RNF8: variants seen among roughly 807,000 people sequenced by gnomAD.
RNF8 encodes the protein E3 ubiquitin-protein ligase RNF8.
Under a neutral mutation model 59.3 loss-of-function variants are expected in RNF8, and 8 were observed. The observed-to-expected ratio is 0.13, with a 90% CI of 0.08 to 0.24. The LOEUF is 0.24. RNF8 is among the 10% of genes least tolerant of loss of function. The pLI, the probability that RNF8 is intolerant of heterozygous loss-of-function variation, is 1.00. For synonymous variants in RNF8, 162 were observed against 200.0 expected, an observed-to-expected ratio of 0.81 and a Z score of 1.60; for missense variants, 406 against 572.6, an observed-to-expected ratio of 0.71 and a Z score of 2.97.
chr6:37,369,265 A>G (rs779800419), intron 3 of RNF8, 47 bp downstream of exon 3: 103 of 1,522,070 alleles, frequency 6.8e-5, no homozygotes, highest in Non-Finnish European at 8.8e-5. Context: ...GGGGTGGGGC[A>G]GGCACTTCAT....
rs1213095864 is a variant in RNF8, at chr6:37,360,438, T to C, written c.112-8T>C. ...GATGGTATTTCTTGCATTGTTGTTG[T>C]CTCCCAGGTGACTGTAGGACGAGGA... On this transcript the variant is annotated splice_region_variant and splice_polypyrimidine_tract_variant and intron_variant, in intron 1 of 7. Coordinates refer to ENST00000373479, the MANE Select transcript of RNF8 (RefSeq NM_003958.4). The surrounding 1 kb of genome is among the most constrained non-coding windows in gnomAD (Gnocchi z 4.2). 1.3e-6 allele frequency: 2 copies of C among 1,591,780 alleles called. No individual in the cohort carries two copies. The highest frequency in any genetic ancestry group is 3.7e-5 in the African/African-American group (2 of 54,654).
chr6:37,354,579 C>T (rs1418152472), intron 1 of RNF8, among the ~76,000 whole-genome samples: 4 of 151,916 alleles, frequency 2.6e-5, no homozygotes, highest in Non-Finnish European at 5.9e-5. Context: ...AGGGTTGGGG[C>T]GAGGACGGAG....
At chr6:37,387,624 G>A (rs531878028) in intron 7 of RNF8, among the ~76,000 whole-genome samples, 3 of 152,332 alleles carry the variant, frequency 2.0e-5, no homozygotes, top group East Asian at 3.9e-4. Flanking sequence ...TTATAGGCAT[G>A]CGCCACCACG....
intron 7 of RNF8, among the ~76,000 whole-genome samples, chr6:37,388,788 T>A (rs968161154): frequency 2.0e-5 from 3 of 147,000 alleles, no homozygotes; most frequent in Non-Finnish European, 4.5e-5. Flanking sequence ...AAAAAAAAAA[T>A]TAGGCATGAT....
chr6:37,380,808 G>A (rs565990136), intron 6 of RNF8, among the ~76,000 whole-genome samples: 26 of 151,970 alleles, frequency 1.7e-4, no homozygotes, highest in African/African-American at 5.3e-4. Context: ...TCAGCCACCC[G>A]AGTAGCTGGG....
At chr6:37,379,456 G>A (rs1458587620) in intron 6 of RNF8, among the ~76,000 whole-genome samples, 1 of 152,186 alleles carries the variant, frequency 6.6e-6, no homozygotes, top group African/African-American at 2.4e-5. Flanking sequence ...CCTAAGAGCA[G>A]GAATGAGCAT....
chr6:37,362,474 C>G (rs1383415072), intron 2 of RNF8, among the ~76,000 whole-genome samples: 1 of 151,010 alleles, frequency 6.6e-6, no homozygotes, highest in Non-Finnish European at 1.5e-5. Flanking sequence ...TCTTAACAAC[C>G]TGTTTAAACT....
Position 37,394,452 on chromosome 6 carries a change from C to T in RNF8, c.*3694C>T, listed in dbSNP as rs974059342. On this transcript the variant is annotated 3_prime_UTR_variant, in exon 8 of 8. Coordinates refer to ENST00000373479, the MANE Select transcript of RNF8 (RefSeq NM_003958.4). ...AGCATATGAATCCTAGGAAAGGGCT[C>T]AGCCTGTGATAGGCATTCAATAAAT... is the stretch of plus-strand genomic sequence containing the variant. 1 of 152,206 alleles carries T rather than the reference C, an allele frequency of 6.6e-6. No individual in the cohort carries two copies. The highest frequency in any genetic ancestry group is 1.5e-5 in the Non-Finnish European group (1 of 68,046). 9.4% of individuals were successfully genotyped at this position (152,206 alleles called of 1,614,324 possible). A position where few individuals can be genotyped will look rare whatever the true frequency, so the allele number is the denominator to read the frequency against.
chr6:37,380,120 T>G (rs756914421), intron 6 of RNF8, among the ~76,000 whole-genome samples: 68 of 152,138 alleles, frequency 4.5e-4, no homozygotes, highest in Non-Finnish European at 7.2e-4. Context: ...TTTCATCATG[T>G]CTCTCAGACT....
Position 37,392,848 on chromosome 6 carries a change from G to A in RNF8, c.*2090G>A, listed in dbSNP as rs1770764068. ...AAAATTATTTTATTATTTTTTAATA[G>A]AGACTATGTTGCCTAGGCTGGTCTT... On this transcript the variant is annotated 3_prime_UTR_variant, in exon 8 of 8. Transcript: ENST00000373479. 5.3e-6 allele frequency: 2 copies of A among 376,914 alleles called. No homozygotes were observed. Among genetic ancestry groups the A allele is most frequent in the East Asian group, 7.7e-5 (2 of 26,036 alleles). 23.3% of individuals were successfully genotyped at this position (376,914 alleles called of 1,614,324 possible).
At chr6:37,359,404 G>A in intron 1 of RNF8, 1 of 257,774 alleles carries the variant, frequency 3.9e-6, no homozygotes, top group Non-Finnish European at 7.7e-6. Flanking sequence ...GCCTTTGGCT[G>A]CATCCCATTC....
intron 6 of RNF8, 73 bp downstream of exon 6, chr6:37,377,106 C>T (rs1380490480): frequency 5.2e-6 from 4 of 767,760 alleles, no homozygotes; most frequent in Non-Finnish European, 7.9e-6. Context: ...GAGTCTCACT[C>T]TGTCAACCCA....
rs557011585 is a variant in RNF8, at chr6:37,392,067, G to A, written c.*1309G>A. The A allele has an allele frequency of 6.1e-6, 1 of 164,612 alleles. No individual in the cohort carries two copies. The highest frequency in any genetic ancestry group is 1.7e-4 in the East Asian group (1 of 5,834). 10.2% of individuals were successfully genotyped at this position (164,612 alleles called of 1,614,324 possible). A position where few individuals can be genotyped will look rare whatever the true frequency, so the allele number is the denominator to read the frequency against. ...GAATTTTGGGATTCTGGAGTCCTTAGTCTTCATTTCCATTCTTCTGCCCAT... is the reference window on the plus strand; with the variant it reads ...GAATTTTGGGATTCTGGAGTCCTTAATCTTCATTTCCATTCTTCTGCCCAT... On this transcript the variant is annotated 3_prime_UTR_variant, in exon 8 of 8. Transcript: ENST00000373479.
At chr6:37,367,497 G>A (rs1476121264) in intron 2 of RNF8, among the ~76,000 whole-genome samples, 22 of 152,194 alleles carry the variant, frequency 1.4e-4, no homozygotes, top group Admixed American at 1.4e-3. Context: ...TCTGCCGCCT[G>A]GGTTCTAGTA....
intron 7 of RNF8, among the ~76,000 whole-genome samples, chr6:37,388,868 GTC>G (rs1770614875): frequency 6.7e-6 from 1 of 150,154 alleles, no homozygotes; most frequent in African/African-American, 2.5e-5. Context: ...AGGAGTTTAA[GTC>G]TCCAGTAAGC....
At position 37,390,533 on chromosome 6, in the gene RNF8, G is replaced by A. The variant is rs77146403; in HGVS notation, c.1442-209G>A. Among the ~76,000 whole-genome samples the A allele has an allele frequency of 9.2e-3, 1,402 of 152,236 alleles. 17 individuals carry two copies. The highest frequency in any genetic ancestry group is 0.032 in the African/African-American group (1,335 of 41,540). On this transcript the variant is annotated intron_variant, in intron 7 of 7. Transcript: ENST00000373479. The stretch of plus-strand genomic sequence containing the variant: ...GACGCAGATTTTGTAGGGCCTTGTA[G>A]GCCTTTGAAAGGACTTTGACTTTAA...
intron 5 of RNF8, among the ~76,000 whole-genome samples, chr6:37,375,011 T>G (rs2113826178): frequency 6.6e-6 from 1 of 152,356 alleles, no homozygotes; most frequent in Admixed American, 6.5e-5. Context: ...AGGAATATTG[T>G]AGTCAAGAAA....
chr6:37,374,886 C>A (rs1769947257), intron 5 of RNF8, among the ~76,000 whole-genome samples, 177 bp downstream of exon 5: 1 of 152,208 alleles, frequency 6.6e-6, no homozygotes, highest in Admixed American at 6.5e-5. Flanking sequence ...CAGACAACAT[C>A]TATTTCCTTC....
rs1770752147 is a variant in RNF8 at position 37,392,440 on chromosome 6, T to C, written c.*1682T>C. On this transcript the variant is annotated 3_prime_UTR_variant, in exon 8 of 8. Coordinates refer to ENST00000373479, the MANE Select transcript of RNF8 (RefSeq NM_003958.4). ...GTAGAATGAAATGCCTCTCACCCTT[T>C]CCCCACAGCGACTACTTCCCACTCA... 2 of 398,482 alleles carry C rather than the reference T, an allele frequency of 5.0e-6. No homozygotes were observed. Among genetic ancestry groups the C allele is most frequent in the Non-Finnish European group, 8.8e-6 (2 of 226,066 alleles). 24.7% of individuals were successfully genotyped at this position (398,482 alleles called of 1,614,324 possible). A position where few individuals can be genotyped will look rare whatever the true frequency, so the allele number is the denominator to read the frequency against.
Sources: gnomAD v4.1 joint callset for allele counts (sites outside exome capture counted in the v4.1 genomes callset) on GRCh38, gnomAD v4.1.1 for gene constraint, Gnocchi (gnomAD v3.1) non-coding constraint, MANE v1.5 for transcripts, NCBI Gene and HGNC (gene_info 2026-07-23, HGNC 2026-07-21) for gene names.